FGFR1: variants seen among roughly 807,000 people sequenced by gnomAD.
FGFR1 encodes FGFR1/PLAG1 fusion.
Under a neutral mutation model 93.7 loss-of-function variants are expected in FGFR1, and 18 were observed. The observed-to-expected ratio is 0.19, with a 90% CI of 0.13 to 0.28. The LOEUF is 0.28. Ranked by LOEUF, FGFR1 falls within the 10% of genes least tolerant of loss-of-function variation. The probability of loss-of-function intolerance (pLI) is 1.00; values close to 1 mark genes in which losing one functional copy is unlikely to be tolerated. For missense variants in FGFR1, 731 were observed against 1,080.4 expected, an observed-to-expected ratio of 0.68 and a Z score of 4.53; for synonymous variants, 448 against 429.3, an observed-to-expected ratio of 1.04 and a Z score of -0.54.
rs915625373 is a variant in FGFR1, at chr8:38,413,272, C to A, written c.*356G>T. 3 of 375,970 alleles carry A rather than the reference C, an allele frequency of 8.0e-6. No homozygotes were observed. 23.3% of individuals were successfully genotyped at this position (375,970 alleles called of 1,614,324 possible). A position where few individuals can be genotyped will look rare whatever the true frequency, so the allele number is the denominator to read the frequency against. On this transcript the variant is annotated 3_prime_UTR_variant, in exon 18 of 18. Transcript: ENST00000447712. This position sits in a 1 kb window ranked among gnomAD's most constrained non-coding sequence, Gnocchi z 4.2. ...TGGGTGAAGGCAAAACAGACCAAAC[C>A]GACAGGAGAAAGCTCAGGAAGCTCT...
At chr8:38,427,730 A>G (rs1479686658) in intron 5 of FGFR1, among the ~76,000 whole-genome samples, 191 bp downstream of exon 5, 1 of 152,260 alleles carries the variant, frequency 6.6e-6, no homozygotes. Context: ...CTATGTAAAA[A>G]CCATATTACA....
intron 2 of FGFR1, among the ~76,000 whole-genome samples, chr8:38,455,136 T>C (rs1383116330): frequency 6.6e-6 from 1 of 151,962 alleles, no homozygotes; most frequent in Non-Finnish European, 1.5e-5. Flanking sequence ...CCACCACACC[T>C]GGCTAATTTT....
chr8:38,421,659 G>A, intron 8 of FGFR1, 138 bp downstream of exon 8: 1 of 906,756 alleles, frequency 1.1e-6, no homozygotes, highest in Non-Finnish European at 1.8e-6. Flanking sequence ...CAAAGCTGGG[G>A]CAGGATGTGG....
rs142665929 is a variant in FGFR1, at chr8:38,423,155, C to T, written c.937-1214G>A. The T allele has an allele frequency of 1.2e-4, 91 of 779,462 alleles. No individual in the cohort carries two copies. Among genetic ancestry groups the T allele is most frequent in the African/African-American group, 5.2e-4 (31 of 59,210 alleles). The allele number at this position is 779,462 out of a possible 1,614,324, so 48.3% of individuals were successfully genotyped here. ...TGAACAGGGTCAGCACCTCCGCATC[C>T]GAGCTATTAATCCCCGAATGCTGGA... On this transcript the variant is annotated intron_variant, in intron 7 of 17. Transcript: ENST00000447712.
intron 2 of FGFR1, among the ~76,000 whole-genome samples, chr8:38,432,283 C>A (rs117606831): frequency 6.6e-6 from 1 of 152,286 alleles, no homozygotes; most frequent in African/African-American, 2.4e-5. Context: ...CTCCACTATA[C>A]GTGATCTGTA....
intron 2 of FGFR1, among the ~76,000 whole-genome samples, chr8:38,445,868 A>G (rs967991004): frequency 6.6e-6 from 1 of 151,914 alleles, no homozygotes; most frequent in Non-Finnish European, 1.5e-5. Context: ...ATGACTACCC[A>G]AGTTTTGAAT....
intron 2 of FGFR1, among the ~76,000 whole-genome samples, chr8:38,438,772 G>A (rs1225935986): frequency 2.0e-5 from 3 of 152,070 alleles, no homozygotes; most frequent in Non-Finnish European, 4.4e-5. Flanking sequence ...CCCAGGTGAG[G>A]AAGCCCTTCT....
At chr8:38,438,710 C>T (rs547564226) in intron 2 of FGFR1, among the ~76,000 whole-genome samples, 2 of 152,128 alleles carry the variant, frequency 1.3e-5, no homozygotes, top group Non-Finnish European at 2.9e-5. Context: ...CATCCAGAGT[C>T]CAGCTTTACC....
intron 1 of FGFR1, among the ~76,000 whole-genome samples, chr8:38,464,166 AT>A (rs1409613802): frequency 6.6e-6 from 1 of 152,076 alleles, no homozygotes; most frequent in Non-Finnish European, 1.5e-5. Context: ...AACACAAAAA[AT>A]TAGCCGGACA....
intron 5 of FGFR1, 110 bp downstream of exon 5, chr8:38,427,811 T>C (rs1343378009): frequency 8.4e-7 from 1 of 1,190,242 alleles, no homozygotes; most frequent in Non-Finnish European, 1.2e-6. Context: ...ATGAATAACC[T>C]GTATAGGTGG....
intron 1 of FGFR1, among the ~76,000 whole-genome samples, 194 bp from the exon 2 acceptor site, chr8:38,457,728 G>A (rs1273198452): frequency 6.6e-6 from 1 of 152,190 alleles, no homozygotes; most frequent in Non-Finnish European, 1.5e-5. Flanking sequence ...GGTGCACCCT[G>A]TAATCCCAGC....
In FGFR1 at chr8:38,426,001, G is replaced by T; in HGVS notation, c.745+121C>A. 1.5e-6 allele frequency: 2 copies of T among 1,368,914 alleles called. No homozygotes were observed. The highest frequency in any genetic ancestry group is 1.0e-6 in the Non-Finnish European group (1 of 965,970). 84.8% of individuals were successfully genotyped at this position (1,368,914 alleles called of 1,614,324 possible). A position where few individuals can be genotyped will look rare whatever the true frequency, so the allele number is the denominator to read the frequency against. ...GAAGTGACCTGCTCAAGGTGACAAAGCCAAGAAGTGCCAATCGCTATCCTG... is the reference window on the plus strand; with the variant it reads ...GAAGTGACCTGCTCAAGGTGACAAATCCAAGAAGTGCCAATCGCTATCCTG... On this transcript the variant is annotated intron_variant, in intron 6 of 17. Coordinates refer to ENST00000447712, the MANE Select transcript of FGFR1 (RefSeq NM_023110.3). This position sits in a 1 kb window ranked among gnomAD's most constrained non-coding sequence, Gnocchi z 4.1.
intron 2 of FGFR1, among the ~76,000 whole-genome samples, chr8:38,444,300 T>G (rs1247589925): frequency 6.6e-6 from 1 of 151,984 alleles, no homozygotes; most frequent in Non-Finnish European, 1.5e-5. Context: ...CCCCACACAT[T>G]CATCCTTCAG....
In FGFR1 at chr8:38,413,666, G is replaced by C. The variant is rs1324331483; in HGVS notation, c.2431C>G (p.Pro811Ala). The change falls in exon 18 of 18, where the codon CCA becomes GCA. Residue 811 changes from proline to alanine, a missense_variant. This residue lies in a region of FGFR1 where 79 missense variants were observed against 97.2 expected (regional missense o/e 0.81). Transcript: ENST00000447712. This position sits in a 1 kb window ranked among gnomAD's most constrained non-coding sequence, Gnocchi z 4.2. Reference sequence around the variant, plus strand: ...AGTCCGCCATTGGCAAGCTGGGCTGGGTGTCGGGGCAGGCAGGGCTCCTCG... The same window carrying C: ...AGTCCGCCATTGGCAAGCTGGGCTGCGTGTCGGGGCAGGCAGGGCTCCTCG... ...LPEEPCLPRH[P>A]AQLANGGLKR... The C allele has an allele frequency of 3.7e-6, 6 of 1,613,370 alleles. No homozygotes were observed. The South Asian group carries it at 5.5e-5, about 15-fold the overall frequency.
intron 1 of FGFR1, among the ~76,000 whole-genome samples, chr8:38,462,059 A>C (rs1053009973): frequency 6.6e-6 from 1 of 152,228 alleles, no homozygotes; most frequent in African/African-American, 2.4e-5. Flanking sequence ...CGGATATGCT[A>C]TAAGTAAAAA....
chr8:38,425,590 T>A (rs1052100739), intron 6 of FGFR1, among the ~76,000 whole-genome samples: 3 of 152,198 alleles, frequency 2.0e-5, no homozygotes, highest in African/African-American at 7.2e-5. Flanking sequence ...AGGAAAAGGT[T>A]GCGGTAATAG....
intron 2 of FGFR1, among the ~76,000 whole-genome samples, chr8:38,447,232 C>G (rs980994233): frequency 1.4e-4 from 22 of 151,798 alleles, no homozygotes; most frequent in Admixed American, 1.2e-3. Context: ...AGAAGTTGGT[C>G]CACCTAGATT....
At chr8:38,434,094 C>T (rs1395403441) in intron 2 of FGFR1, among the ~76,000 whole-genome samples, 1 of 152,230 alleles carries the variant, frequency 6.6e-6, no homozygotes, top group African/African-American at 2.4e-5. Context: ...AGAATCAGCA[C>T]TTTGTTCCTT....
intron 2 of FGFR1, among the ~76,000 whole-genome samples, chr8:38,438,023 A>G (rs1298747503): frequency 1.4e-4 from 22 of 152,198 alleles, no homozygotes. Flanking sequence ...TAAACATCTG[A>G]GTAAACAGCA....
Sources: gnomAD v4.1 joint callset for allele counts (sites outside exome capture counted in the v4.1 genomes callset) on GRCh38, gnomAD v4.1.1 for gene constraint, gnomAD v4.1.1 regional missense constraint, Gnocchi (gnomAD v3.1) non-coding constraint, MANE v1.5 for transcripts, NCBI Gene and HGNC (gene_info 2026-07-23, HGNC 2026-07-21) for gene names.